The following C14orf39 variants were observed in gnomAD, a reference collection of about 807,000 sequenced individuals.
The protein encoded by C14orf39 is protein SIX6OS1.
In C14orf39, 66 loss-of-function variants were observed where a neutral mutation model predicts 85.6. The observed-to-expected ratio is 0.77, with a 90% CI of 0.63 to 0.95. The LOEUF is 0.95. Ranked by LOEUF, C14orf39 falls within the 40% of genes least tolerant of loss-of-function variation. The pLI is 0.00. For synonymous variants in C14orf39, 242 were observed against 214.0 expected (o/e 1.13, Z -1.14); for missense variants, 735 against 663.9 (o/e 1.11, Z -1.18).
chr14:60,499,033 C>T (rs1400080662), intron 2 of C14orf39, among the ~76,000 whole-genome samples: 6 of 152,042 alleles, frequency 3.9e-5, no homozygotes, highest in African/African-American at 1.4e-4. Context: ...CCAAGGTAGG[C>T]GGATCACCTG....
intron 1 of C14orf39, 86 bp from the exon 2 acceptor site, chr14:60,485,172 G>A: frequency 1.8e-6 from 2 of 1,117,562 alleles, no homozygotes; most frequent in Non-Finnish European, 2.6e-6. Flanking sequence ...TTTCAATATA[G>A]CATTCTTCAC....
intron 1 of C14orf39, among the ~76,000 whole-genome samples, chr14:60,508,071 T>G (rs920708799): frequency 4.6e-5 from 7 of 151,792 alleles, no homozygotes; most frequent in Non-Finnish European, 4.4e-5. Context: ...ACAGGAGGGG[T>G]CAATAATCAG....
rs148165852 is a variant in C14orf39 at position 60,457,016 on chromosome 14, C to T, written c.1259G>A (p.Arg420Gln). The T allele has an allele frequency of 2.3e-4, 364 of 1,610,594 alleles. No individual in the cohort carries two copies. Among genetic ancestry groups the T allele is most frequent in the Non-Finnish European group, 3.0e-4 (350 of 1,178,186 alleles). The change falls in exon 15 of 18, where the codon CGA becomes CAA. Residue 420 changes from arginine to glutamine, a missense_variant. By Grantham distance (43) the Arg-to-Gln change is conservative (BLOSUM62 1). Transcript: ENST00000321731. ...EVEERAENFP[R>Q]TSEIPIFLGT... ...TAAAAATATAGGAATTTCAGACGTT[C>T]GTGGAAAATTCTCAGCTCTCTCTTC...
chr14:60,489,881 CTCT>C (rs1719203463), upstream of C14orf39, among the ~76,000 whole-genome samples: 1 of 152,184 alleles, frequency 6.6e-6, no homozygotes, highest in African/African-American at 2.4e-5. Context: ...AGTCTCCCTC[CTCT>C]TTTCTTACTC....
intron 17 of C14orf39, among the ~76,000 whole-genome samples, chr14:60,441,780 G>A (rs1890526607): frequency 6.6e-6 from 1 of 152,042 alleles, no homozygotes; most frequent in Admixed American, 6.6e-5. Flanking sequence ...AAAAAAGATG[G>A]AAATAACCAA....
chr14:60,495,862 T>C, intron 2 of C14orf39: 1 of 347,156 alleles, frequency 2.9e-6, no homozygotes, highest in Non-Finnish European at 5.6e-6. Flanking sequence ...CTTGGAAAGG[T>C]CTAGCACTAC....
intron 4 of C14orf39, among the ~76,000 whole-genome samples, chr14:60,478,933 T>A (rs200428081): frequency 1.3e-4 from 1 of 7,796 alleles, no homozygotes; most frequent in South Asian, 2.9e-3. Context: ...ATCTTATACA[T>A]TTTTTATTAT....
chr14:60,473,850 T>G (rs980499588), intron 5 of C14orf39, among the ~76,000 whole-genome samples: 5 of 152,290 alleles, frequency 3.3e-5, no homozygotes, highest in East Asian at 3.9e-4. Flanking sequence ...GCCTCCAGCT[T>G]TGTTCTTTTG....
At chr14:60,441,335 C>T (rs1436798596) in intron 17 of C14orf39, among the ~76,000 whole-genome samples, 3 of 152,126 alleles carry the variant, frequency 2.0e-5, no homozygotes, top group Non-Finnish European at 4.4e-5. Context: ...TGACATGTTC[C>T]TTGGGTGGCA....
chr14:60,499,075 G>C (rs1893104927), intron 2 of C14orf39, among the ~76,000 whole-genome samples: 1 of 151,980 alleles, frequency 6.6e-6, no homozygotes, highest in Admixed American at 6.6e-5. Context: ...GGCCAACATG[G>C]CAAAACCCCA....
intron 5 of C14orf39, among the ~76,000 whole-genome samples, chr14:60,472,447 A>G (rs1397346191): frequency 6.6e-6 from 1 of 152,144 alleles, no homozygotes; most frequent in Non-Finnish European, 1.5e-5. Context: ...TATGTGCACA[A>G]CGTGCAGGTT....
intron 11 of C14orf39, among the ~76,000 whole-genome samples, chr14:60,463,142 A>G (rs1347174166): frequency 6.6e-6 from 1 of 152,144 alleles, no homozygotes; most frequent in Non-Finnish European, 1.5e-5. Flanking sequence ...CTAACCTGAT[A>G]GGTAAAACCA....
chr14:60,479,135 T>C (rs910817849), intron 4 of C14orf39, among the ~76,000 whole-genome samples: 1 of 152,138 alleles, frequency 6.6e-6, no homozygotes, highest in Admixed American at 6.6e-5. Flanking sequence ...ATTCTCAATA[T>C]TGAATAATGA....
Position 60,515,119 on chromosome 14 carries a change from C to T in C14orf39, c.-144+276G>A, listed in dbSNP as rs1408874146. On this transcript the variant is annotated intron_variant, in intron 1 of 5. Transcript: ENST00000556799. The surrounding 1 kb of genome is among the most constrained non-coding windows in gnomAD (Gnocchi z 6.2). ...CCCGGGCGCCGAGGCGTGTCCCTGC[C>T]TGCGCCGCGCGGCTACCCCCGTGCC... The T allele has an allele frequency of 6.6e-6, 1 of 152,020 alleles. No individual in the cohort carries two copies. The allele number at this position is 152,020 out of a possible 1,614,324, so 9.4% of individuals were successfully genotyped here.
At chr14:60,508,366 T>C (rs191199755) in intron 1 of C14orf39, among the ~76,000 whole-genome samples, 43 of 152,252 alleles carry the variant, frequency 2.8e-4, no homozygotes, top group African/African-American at 8.7e-4. Context: ...TTCAAGTCCA[T>C]TAAACTGGGG....
chr14:60,483,727 C>G lies in C14orf39; in HGVS notation c.197G>C (p.Cys66Ser). The change falls in exon 4 of 18, where the codon TGT becomes TCT. Residue 66 changes from cysteine to serine, a missense_variant. Coordinates refer to ENST00000321731, the MANE Select transcript of C14orf39 (RefSeq NM_174978.3). Reference protein sequence around the residue: ...NATDEEIDHYCKHSEEIKDNC... With the variant: ...NATDEEIDHYSKHSEEIKDNC... ...GTCTTTAATCTCCTCACTATGTTTA[C>G]AGTAATGATCAATTTCCTCATCTGT... The G allele has an allele frequency of 6.3e-7, 1 of 1,598,768 alleles. No individual in the cohort carries two copies. Among genetic ancestry groups the G allele is most frequent in the Non-Finnish European group, 8.6e-7 (1 of 1,169,008 alleles).
intron 5 of C14orf39, among the ~76,000 whole-genome samples, chr14:60,475,406 C>T (rs1344597705): frequency 6.6e-6 from 1 of 152,086 alleles, no homozygotes; most frequent in Non-Finnish European, 1.5e-5. Flanking sequence ...CTCGATTCTA[C>T]AAGAATCAAA....
At chr14:60,478,581 G>A (rs1466773407) in intron 4 of C14orf39, among the ~76,000 whole-genome samples, 192 bp from the exon 5 acceptor site, 3 of 152,072 alleles carry the variant, frequency 2.0e-5, no homozygotes, top group Admixed American at 2.0e-4. Context: ...TATTATGCTC[G>A]AATATCAATA....
chr14:60,442,797 A>C (rs1482928947), intron 16 of C14orf39, among the ~76,000 whole-genome samples: 1 of 152,218 alleles, frequency 6.6e-6, no homozygotes, highest in Non-Finnish European at 1.5e-5. Flanking sequence ...TTTCTTTGAC[A>C]ATTAATAAGG....
Sources: allele counts gnomAD v4.1 joint callset (sites outside exome capture counted in the v4.1 genomes callset), GRCh38; gene constraint gnomAD v4.1.1; non-coding constraint Gnocchi (gnomAD v3.1); transcripts MANE v1.5; gene names NCBI Gene and HGNC (gene_info 2026-07-23, HGNC 2026-07-21).